Variants in NEO1 observed in about 807,000 individuals in gnomAD.
NEO1 encodes the protein neogenin 1, also known as neogenin.
Under a neutral mutation model 159.7 loss-of-function variants are expected in NEO1, and 63 were observed. The ratio of observed to expected loss-of-function variants is 0.39; its 90% CI spans 0.32 to 0.49. NEO1 has a LOEUF of 0.49. NEO1 is among the 20% of genes least tolerant of loss of function. The pLI, the probability that NEO1 is intolerant of heterozygous loss-of-function variation, is 0.85. For synonymous variants in NEO1, 633 were observed against 662.0 expected, an observed-to-expected ratio of 0.96 and a Z score of 0.67; for missense variants, 1,615 against 1,831.0, an observed-to-expected ratio of 0.88 and a Z score of 2.15.
chr15:73,053,015 G>T (rs1055610565), intron 1 of NEO1, among the ~76,000 whole-genome samples: 1 of 151,774 alleles, frequency 6.6e-6, no homozygotes, highest in African/African-American at 2.4e-5. Flanking sequence ...CTGCCGGGGG[G>T]CAGGTCGGGG....
chr15:73,078,632 G>A (rs899181065), intron 1 of NEO1, among the ~76,000 whole-genome samples: 2 of 152,200 alleles, frequency 1.3e-5, no homozygotes, highest in African/African-American at 4.8e-5. Context: ...GCAACCGTTG[G>A]TTGCACAGAT....
At chr15:73,171,497 G>A (rs150937342) in intron 5 of NEO1, among the ~76,000 whole-genome samples, 37 of 152,082 alleles carry the variant, frequency 2.4e-4, no homozygotes, top group Non-Finnish European at 3.2e-4. Context: ...CTGGGAAGTC[G>A]AGGCTGCAGT....
intron 1 of NEO1, among the ~76,000 whole-genome samples, chr15:73,091,335 A>C (rs974476940): frequency 6.6e-6 from 1 of 152,196 alleles, no homozygotes; most frequent in African/African-American, 2.4e-5. Context: ...TATGTATTAC[A>C]TTCCTGAAAA....
intron 5 of NEO1, among the ~76,000 whole-genome samples, chr15:73,165,868 A>G (rs1029142459): frequency 3.3e-5 from 5 of 152,194 alleles, no homozygotes; most frequent in Admixed American, 3.3e-4. Context: ...CCTAATGTGC[A>G]TGCAGGCGGT....
intron 15 of NEO1, 77 bp from the exon 16 acceptor site, chr15:73,266,239 A>G (rs1596529152): frequency 9.0e-7 from 1 of 1,107,510 alleles, no homozygotes; most frequent in African/African-American, 1.6e-5. Context: ...TCTGTGGTTA[A>G]GATTATGCAC....
chr15:73,173,458 G>T (rs2035094864), intron 5 of NEO1, among the ~76,000 whole-genome samples: 1 of 152,122 alleles, frequency 6.6e-6, no homozygotes, highest in Non-Finnish European at 1.5e-5. Context: ...TTTCAAATCT[G>T]TCATTCTTTT....
At chr15:73,273,180 T>G (rs3784796) in intron 19 of NEO1, among the ~76,000 whole-genome samples, 64,660 of 151,876 alleles carry the variant, frequency 0.43, 15,253 homozygotes, top group Non-Finnish European at 0.53. Flanking sequence ...TTATCAGGGA[T>G]GGAAGCCTGA....
chr15:73,106,607 T>C (rs751177340), intron 1 of NEO1, among the ~76,000 whole-genome samples: 1 of 152,184 alleles, frequency 6.6e-6, no homozygotes, highest in Non-Finnish European at 1.5e-5. Flanking sequence ...TATTGGATAG[T>C]GCAGATATGG....
At position 73,301,436 on chromosome 15, in the gene NEO1, G is replaced by C; in HGVS notation, c.4281G>C (p.Arg1427Ser). ...PSAPEVQETT[R>S]MLEDSESSYE... ...CCCCTGAAGTGCAGGAGACCACAAG[G>C]ATGTTGGAAGACTCCGAGAGTGTAA... is the stretch of plus-strand genomic sequence containing the variant. The change falls in exon 28 of 29, where the codon AGG becomes AGC. Residue 1427 changes from arginine (R) to serine (S), a missense_variant. Arg to Ser is a moderately radical substitution (Grantham distance 110, BLOSUM62 -1). Transcript: ENST00000261908. 2 of 1,614,174 alleles carry C rather than the reference G, an allele frequency of 1.2e-6. No homozygotes were observed. Among genetic ancestry groups the C allele is most frequent in the Non-Finnish European group, 1.7e-6 (2 of 1,180,042 alleles).
chr15:73,064,639 A>AT (rs993925456), intron 1 of NEO1, among the ~76,000 whole-genome samples: 70 of 148,898 alleles, frequency 4.7e-4, no homozygotes, highest in African/African-American at 1.3e-3. Flanking sequence ...TAGTTTCTTA[A>AT]TTTTTTTTTT....
At chr15:73,171,816 A>G (rs1171492505) in intron 5 of NEO1, among the ~76,000 whole-genome samples, 4 of 151,524 alleles carry the variant, frequency 2.6e-5, no homozygotes, top group Admixed American at 2.6e-4. Flanking sequence ...TAATTTTTGT[A>G]TTTTTAATAG....
intron 25 of NEO1, among the ~76,000 whole-genome samples, chr15:73,291,283 T>C (rs1318884742): frequency 6.6e-6 from 1 of 152,234 alleles, no homozygotes; most frequent in Non-Finnish European, 1.5e-5. Flanking sequence ...TGAAAACTTG[T>C]AAAATTTTAC....
At chr15:73,163,937 ATG>A (rs2034370740) in intron 5 of NEO1, among the ~76,000 whole-genome samples, 1 of 151,782 alleles carries the variant, frequency 6.6e-6, no homozygotes, top group South Asian at 2.1e-4. Flanking sequence ...CATTGTCATG[ATG>A]TGTGTGTATG....
At chr15:73,081,279 C>G (rs1595928411) in intron 1 of NEO1, among the ~76,000 whole-genome samples, 1 of 152,140 alleles carries the variant, frequency 6.6e-6, no homozygotes, top group East Asian at 1.9e-4. Flanking sequence ...TTTTGAATGA[C>G]TGGACTATAG....
rs2042716054 is a variant in NEO1, at chr15:73,304,402, T to C, written c.*1706T>C. The C allele has an allele frequency of 6.6e-6, 1 of 152,222 alleles. No homozygotes were observed. Among genetic ancestry groups the C allele is most frequent in the South Asian group, 2.1e-4 (1 of 4,838 alleles). 9.4% of individuals were successfully genotyped at this position (152,222 alleles called of 1,614,324 possible). ...GACAGTAAATCGGGCTTCAGTTCTATAGCCAAGAAGAGATCAGCTGCTGAA... is the reference window on the plus strand; with the variant it reads ...GACAGTAAATCGGGCTTCAGTTCTACAGCCAAGAAGAGATCAGCTGCTGAA... On this transcript the variant is annotated 3_prime_UTR_variant, in exon 29 of 29. Coordinates refer to ENST00000261908, the MANE Select transcript of NEO1 (RefSeq NM_002499.4).
rs963664920 is a variant in NEO1 at position 73,127,047 on chromosome 15, C to T, written c.878+477C>T. Among the ~76,000 whole-genome samples the T allele has an allele frequency of 2.2e-4, 33 of 151,940 alleles. 1 individual carries two copies. The highest frequency in any genetic ancestry group is 7.3e-4 in the African/African-American group (30 of 41,360). On this transcript the variant is annotated intron_variant, in intron 4 of 28. Coordinates refer to ENST00000261908, the MANE Select transcript of NEO1 (RefSeq NM_002499.4). ...GAGATCGAGACCATCCTGGCTAACA[C>T]GGTGAAACCCCGTCTCTACTAAAAA... is the stretch of plus-strand genomic sequence containing the variant.
chr15:73,114,006 TACTTTA>T (rs1187644590), intron 1 of NEO1, among the ~76,000 whole-genome samples: 1 of 152,208 alleles, frequency 6.6e-6, no homozygotes, highest in African/African-American at 2.4e-5. Flanking sequence ...GGAACCTCTC[TACTTTA>T]ACTTAAAGTT....
chr15:73,208,017 A>G (rs1039422654), intron 7 of NEO1, among the ~76,000 whole-genome samples: 1 of 152,228 alleles, frequency 6.6e-6, no homozygotes, highest in Non-Finnish European at 1.5e-5. Flanking sequence ...GAGATTCAGG[A>G]TATTTGGGAG....
At chr15:73,225,338 A>G (rs1446029219) in intron 7 of NEO1, among the ~76,000 whole-genome samples, 1 of 151,976 alleles carries the variant, frequency 6.6e-6, no homozygotes, top group Non-Finnish European at 1.5e-5. Flanking sequence ...ATAGAGAGGA[A>G]CCAGAGGTGC....
Sources: allele counts gnomAD v4.1 joint callset (sites outside exome capture counted in the v4.1 genomes callset), GRCh38; gene constraint gnomAD v4.1.1; transcripts MANE v1.5; gene names NCBI Gene and HGNC (gene_info 2026-07-23, HGNC 2026-07-21).